The following CADM2 variants were observed in gnomAD, a reference collection of about 807,000 sequenced individuals.
The protein encoded by CADM2 is immunoglobulin superfamily member 4D.
In CADM2, 12 loss-of-function variants were observed where a neutral mutation model predicts 49.8. The observed-to-expected ratio is 0.24, with a 90% CI of 0.15 to 0.39. The LOEUF (loss-of-function observed/expected upper bound fraction) is 0.39, where lower values mean the gene tolerates loss of function less well. Ranked by LOEUF, CADM2 falls within the 10% of genes least tolerant of loss-of-function variation. The probability of loss-of-function intolerance (pLI) is 1.00; values close to 1 mark genes in which losing one functional copy is unlikely to be tolerated. For synonymous variants in CADM2, 214 were observed against 175.4 expected, an observed-to-expected ratio of 1.22 and a Z score of -1.74; for missense variants, 378 against 492.3, an observed-to-expected ratio of 0.77 and a Z score of 2.20.
chr3:85,306,224 A>C (rs935777884), intron 1 of CADM2, among the ~76,000 whole-genome samples: 1 of 151,692 alleles, frequency 6.6e-6, no homozygotes. Context: ...TCAACAAAAA[A>C]ATCTATTTAG....
chr3:85,355,262 G>A (rs187777251), intron 1 of CADM2, among the ~76,000 whole-genome samples: 10 of 152,088 alleles, frequency 6.6e-5, no homozygotes, highest in East Asian at 1.9e-4. Flanking sequence ...TGCATCATCC[G>A]TCTCTTGTTT....
At chr3:85,244,017 T>A (rs530912236) in intron 1 of CADM2, among the ~76,000 whole-genome samples, 1 of 152,214 alleles carries the variant, frequency 6.6e-6, no homozygotes, top group East Asian at 1.9e-4. Flanking sequence ...CTGTAACAAC[T>A]GAATATTTTC....
At chr3:85,094,295 A>G (rs537678099) in intron 1 of CADM2, among the ~76,000 whole-genome samples, 2 of 152,254 alleles carry the variant, frequency 1.3e-5, no homozygotes, top group Admixed American at 6.5e-5. Context: ...ATAATTTTTA[A>G]TGAGGTCAAA....
chr3:85,277,240 C>T (rs895448266), intron 1 of CADM2, among the ~76,000 whole-genome samples: 1 of 151,252 alleles, frequency 6.6e-6, no homozygotes, highest in Non-Finnish European at 1.5e-5. Flanking sequence ...CTCTAAGAAT[C>T]CCTGTTATAC....
intron 1 of CADM2, among the ~76,000 whole-genome samples, chr3:85,066,113 G>C (rs1330513836): frequency 6.6e-6 from 1 of 152,124 alleles, no homozygotes; most frequent in Non-Finnish European, 1.5e-5. Context: ...AAGAGACACA[G>C]AGCAACCTAC....
chr3:86,066,760 G>C lies in CADM2; in HGVS notation c.1192G>C (p.Glu398Gln), dbSNP rs1242720668. 6.2e-7 allele frequency: 1 copy of C among 1,611,902 alleles called. No homozygotes were observed. The highest frequency in any genetic ancestry group is 2.2e-5 in the East Asian group (1 of 44,856). The change falls in exon 10 of 10, where the codon GAG becomes CAG. Residue 398 changes from glutamate to glutamine, a missense_variant. Coordinates refer to ENST00000383699, the MANE Select transcript of CADM2 (RefSeq NM_001167675.2). ...TGAAGGCAGCCAAGTCAATGCTGAA[G>C]AGAAAAAAGAGTATTTCATTTAAGA... ...NAEGSQVNAE[E>Q]KKEYFI
chr3:85,618,604 C>G (rs930869401), intron 1 of CADM2, among the ~76,000 whole-genome samples: 8 of 152,078 alleles, frequency 5.3e-5, no homozygotes. Context: ...AAAGGCTTGG[C>G]TCACCTACGT....
chr3:85,986,271 A>G (rs1728098565), intron 8 of CADM2, among the ~76,000 whole-genome samples: 1 of 152,082 alleles, frequency 6.6e-6, no homozygotes, highest in South Asian at 2.1e-4. Context: ...AAGAAAAAGC[A>G]TTCCAGTACT....
At chr3:85,947,733 C>G (rs766069571) in intron 7 of CADM2, among the ~76,000 whole-genome samples, 2 of 151,464 alleles carry the variant, frequency 1.3e-5, no homozygotes, top group Non-Finnish European at 3.0e-5. Context: ...AAACAAGAAG[C>G]TGACTCTCGG....
At chr3:85,550,501 T>C (rs2061775689) in intron 1 of CADM2, among the ~76,000 whole-genome samples, 1 of 152,212 alleles carries the variant, frequency 6.6e-6, no homozygotes, top group Admixed American at 6.5e-5. Flanking sequence ...CCCTGCTGTG[T>C]TTCAACAATT....
chr3:85,486,791 T>C (rs2039435133), intron 1 of CADM2, among the ~76,000 whole-genome samples: 2 of 152,122 alleles, frequency 1.3e-5, no homozygotes, highest in African/African-American at 2.4e-5. Context: ...CCTTACTGAA[T>C]ACTATAAGAA....
intron 1 of CADM2, among the ~76,000 whole-genome samples, chr3:85,153,624 T>C (rs1425412078): frequency 6.6e-6 from 1 of 152,060 alleles, no homozygotes; most frequent in Non-Finnish European, 1.5e-5. Context: ...GTAGGCTCCA[T>C]CTCTGGGGGC....
At chr3:85,523,786 A>T (rs1198431921) in intron 1 of CADM2, among the ~76,000 whole-genome samples, 1 of 152,042 alleles carries the variant, frequency 6.6e-6, no homozygotes, top group Admixed American at 6.6e-5. Context: ...ATAGAACAAT[A>T]TGGGGTCTAT....
chr3:85,189,812 C>CTACTTACACGCTCA (rs1311962732), intron 1 of CADM2, among the ~76,000 whole-genome samples: 4 of 152,146 alleles, frequency 2.6e-5, no homozygotes, highest in Non-Finnish European at 4.4e-5. Context: ...GAAGAAAGAT[C>CTACTTACACGCTCA]TACTTACACG....
chr3:85,680,742 C>T (rs1370289671), intron 1 of CADM2, among the ~76,000 whole-genome samples: 1 of 152,168 alleles, frequency 6.6e-6, no homozygotes, highest in East Asian at 1.9e-4. Context: ...TTTGTTCTTT[C>T]TCCATTCTCT....
intron 1 of CADM2, among the ~76,000 whole-genome samples, chr3:85,144,850 G>A (rs926036195): frequency 6.6e-6 from 1 of 152,114 alleles, no homozygotes; most frequent in Non-Finnish European, 1.5e-5. Context: ...TAATCACAAT[G>A]TTTTTGAAAG....
chr3:85,959,947 C>T (rs1370153627), intron 7 of CADM2, among the ~76,000 whole-genome samples: 4 of 151,754 alleles, frequency 2.6e-5, no homozygotes, highest in South Asian at 2.1e-4. Flanking sequence ...ACTGTATAAA[C>T]GTCTTAGGAG....
intron 3 of CADM2, among the ~76,000 whole-genome samples, chr3:85,804,172 A>G (rs2072251267): frequency 6.6e-6 from 1 of 152,152 alleles, no homozygotes; most frequent in South Asian, 2.1e-4. Flanking sequence ...GGTGGTGCCA[A>G]TTTTAAGGAC....
intron 3 of CADM2, among the ~76,000 whole-genome samples, chr3:85,823,779 T>C (rs992623847): frequency 6.6e-6 from 1 of 152,124 alleles, no homozygotes; most frequent in African/African-American, 2.4e-5. Flanking sequence ...TGGATGACCT[T>C]GTAGAGAAAT....
Sources: allele counts gnomAD v4.1 joint callset (sites outside exome capture counted in the v4.1 genomes callset), GRCh38; gene constraint gnomAD v4.1.1; transcripts MANE v1.5; gene names NCBI Gene and HGNC (gene_info 2026-07-23, HGNC 2026-07-21).